Variants in PLCB1 observed in about 807,000 individuals in gnomAD.
PLCB1 encodes the protein phospholipase C beta 1, also known as 1-phosphatidylinositol 4,5-bisphosphate phosphodiesterase beta-1.
Under a neutral mutation model 161.8 loss-of-function variants are expected in PLCB1, and 46 were observed. The observed-to-expected ratio is 0.28, with a 90% CI of 0.22 to 0.36. The LOEUF is 0.36. PLCB1 is among the 10% of genes least tolerant of loss of function. The pLI is 1.00. For synonymous variants in PLCB1, 517 were observed against 503.7 expected, an observed-to-expected ratio of 1.03 and a Z score of -0.35; for missense variants, 1,016 against 1,472.5, an observed-to-expected ratio of 0.69 and a Z score of 5.07.
intron 3 of PLCB1, among the ~76,000 whole-genome samples, chr20:8,549,785 G>A (rs1164673293): frequency 3.9e-5 from 6 of 152,110 alleles, no homozygotes; most frequent in Admixed American, 3.9e-4. Flanking sequence ...TGCCCAGGCT[G>A]GTGTCAAACT....
intron 2 of PLCB1, among the ~76,000 whole-genome samples, chr20:8,293,286 TCTGAATAACC>T (rs1202959782): frequency 5.3e-5 from 8 of 152,274 alleles, no homozygotes; most frequent in Admixed American, 5.2e-4. Flanking sequence ...CATATCCAAG[TCTGAATAACC>T]CTAGTTTTCC....
chr20:8,366,453 A>G (rs896739420), intron 2 of PLCB1, among the ~76,000 whole-genome samples: 7 of 152,280 alleles, frequency 4.6e-5, no homozygotes, highest in East Asian at 1.9e-4. Context: ...TCATTCACAA[A>G]CCAGGATGAA....
At chr20:8,352,831 A>C (rs914013760) in intron 2 of PLCB1, among the ~76,000 whole-genome samples, 7 of 152,164 alleles carry the variant, frequency 4.6e-5, no homozygotes, top group Non-Finnish European at 1.0e-4. Flanking sequence ...GTTATAGAGC[A>C]AAGGAAAGGT....
At chr20:8,764,470 A>G (rs1847841334) in intron 25 of PLCB1, among the ~76,000 whole-genome samples, 1 of 152,166 alleles carries the variant, frequency 6.6e-6, no homozygotes, top group South Asian at 2.1e-4. Flanking sequence ...AAGTTATAGA[A>G]GTATTATAAT....
At chr20:8,673,840 G>A (rs1452707564) in intron 9 of PLCB1, among the ~76,000 whole-genome samples, 3 of 152,170 alleles carry the variant, frequency 2.0e-5, no homozygotes, top group Non-Finnish European at 4.4e-5. Flanking sequence ...ACTGTTGTGA[G>A]TTCTAAAGAT....
At chr20:8,468,829 C>T (rs1287272634) in intron 3 of PLCB1, among the ~76,000 whole-genome samples, 2 of 152,142 alleles carry the variant, frequency 1.3e-5, no homozygotes, top group Non-Finnish European at 2.9e-5. Context: ...ATTTTATCCT[C>T]ATCTTGCCAA....
chr20:8,333,015 G>A (rs1480761897), intron 2 of PLCB1, among the ~76,000 whole-genome samples: 1 of 152,196 alleles, frequency 6.6e-6, no homozygotes, highest in African/African-American at 2.4e-5. Flanking sequence ...GCTGGCAAAA[G>A]TCTTCTCAAC....
chr20:8,557,529 G>T (rs1215190460), intron 3 of PLCB1, among the ~76,000 whole-genome samples: 1 of 151,944 alleles, frequency 6.6e-6, no homozygotes, highest in African/African-American at 2.4e-5. Flanking sequence ...GTTGCCAGGG[G>T]ATCATCAGAG....
rs975671031 is a variant in PLCB1 at position 8,554,929 on chromosome 20, G to T, written c.247-73365G>T. 6.6e-5 allele frequency among the ~76,000 whole-genome samples: 10 copies of T among 151,838 alleles called. 1 individual carries two copies. In the South Asian group the frequency reaches 1.9e-3, roughly 28 times the overall value. Reference sequence around the variant, plus strand: ...CGTGTACTTTTGCATTTAAGAAAATGCTCCAAAAAACTGAAGATTCTCCCT... The same window carrying T: ...CGTGTACTTTTGCATTTAAGAAAATTCTCCAAAAAACTGAAGATTCTCCCT... On this transcript the variant is annotated intron_variant, in intron 3 of 31. Coordinates refer to ENST00000338037, the MANE Select transcript of PLCB1 (RefSeq NM_015192.4).
rs1293969803 is a variant in PLCB1, at chr20:8,689,978, G to A, written c.1009+4900G>A. On this transcript the variant is annotated intron_variant, in intron 10 of 31. Coordinates refer to ENST00000338037, the MANE Select transcript of PLCB1 (RefSeq NM_015192.4). The stretch of plus-strand genomic sequence containing the variant: ...AGCTGTCTCCAAATTTCTGTACAAT[G>A]GTTTTGTATCAACACCATCTGATTC... Among the ~76,000 whole-genome samples the A allele has an allele frequency of 7.1e-5, 2 of 28,344 alleles. 1 individual carries two copies. The highest frequency in any genetic ancestry group is 2.8e-4 in the Non-Finnish European group (2 of 7,254). The allele number at this position is 28,344 out of a possible 152,430, so 18.6% of individuals were successfully genotyped here.
chr20:8,756,273 A>G (rs1416567896), intron 23 of PLCB1, among the ~76,000 whole-genome samples: 1 of 152,158 alleles, frequency 6.6e-6, no homozygotes, highest in African/African-American at 2.4e-5. Flanking sequence ...CCCAGTAAAC[A>G]CCTGTCTTCA....
intron 3 of PLCB1, among the ~76,000 whole-genome samples, chr20:8,376,209 A>G (rs938323430): frequency 1.3e-5 from 2 of 152,224 alleles, no homozygotes; most frequent in Non-Finnish European, 2.9e-5. Flanking sequence ...TACACAAAAT[A>G]AACTGCTTGT....
At chr20:8,307,273 TG>T (rs1984174451) in intron 2 of PLCB1, among the ~76,000 whole-genome samples, 1 of 152,232 alleles carries the variant, frequency 6.6e-6, no homozygotes. Flanking sequence ...GCTCTGTCTC[TG>T]GATTCAGCTT....
chr20:8,486,130 C>T (rs142109312), intron 3 of PLCB1, among the ~76,000 whole-genome samples: 3 of 152,220 alleles, frequency 2.0e-5, no homozygotes, highest in Non-Finnish European at 2.9e-5. Context: ...TGGTGGTAAC[C>T]GCCCCCATGA....
rs962434351 is a variant in PLCB1, at chr20:8,618,738, C to T, written c.247-9556C>T. On this transcript the variant is annotated intron_variant, in intron 3 of 31. Transcript: ENST00000338037. ...ACTTTCACCTCAAAAGAAGCACACA[C>T]ACACACACAAAGGCATATTGAAGAC... Among the ~76,000 whole-genome samples the T allele has an allele frequency of 2.6e-5, 4 of 152,144 alleles. No homozygotes were observed. The East Asian group carries it at 7.7e-4, about 29-fold the overall frequency.
intron 3 of PLCB1, among the ~76,000 whole-genome samples, chr20:8,422,703 A>G (rs1330962763): frequency 2.6e-5 from 4 of 152,178 alleles, no homozygotes; most frequent in Non-Finnish European, 4.4e-5. Flanking sequence ...CACCTGGTAT[A>G]TGGAGATATT....
At chr20:8,708,226 AG>A (rs1788807245) in intron 11 of PLCB1, among the ~76,000 whole-genome samples, 1 of 152,220 alleles carries the variant, frequency 6.6e-6, no homozygotes, top group African/African-American at 2.4e-5. Context: ...ATACAAGTTG[AG>A]TATATACTGT....
At chr20:8,717,993 A>G in intron 14 of PLCB1, 145 bp downstream of exon 14, 1 of 582,378 alleles carries the variant, frequency 1.7e-6, no homozygotes, top group South Asian at 3.8e-5. Flanking sequence ...GTTCGAGACC[A>G]TCCTGGCCAA....
chr20:8,461,634 T>C (rs1237895135), intron 3 of PLCB1, among the ~76,000 whole-genome samples: 1 of 152,176 alleles, frequency 6.6e-6, no homozygotes, highest in African/African-American at 2.4e-5. Context: ...AGGTACCCTG[T>C]GTGGACATAG....
Sources: gnomAD v4.1 joint callset for allele counts (sites outside exome capture counted in the v4.1 genomes callset) on GRCh38, gnomAD v4.1.1 for gene constraint, MANE v1.5 for transcripts, NCBI Gene and HGNC (gene_info 2026-07-23, HGNC 2026-07-21) for gene names.